RFFL: variants seen among roughly 807,000 people sequenced by gnomAD.
RFFL encodes the protein ring finger and FYVE like domain containing E3 ubiquitin protein ligase, also known as E3 ubiquitin-protein ligase rififylin.
RFFL carries 16 observed loss-of-function variants against 40.4 expected under a neutral mutation model. The ratio of observed to expected loss-of-function variants is 0.40; its 90% CI spans 0.27 to 0.60. RFFL has a LOEUF of 0.60. RFFL is among the 20% of genes least tolerant of loss of function. The pLI, the probability that RFFL is intolerant of heterozygous loss-of-function variation, is 0.47. For synonymous variants in RFFL, 154 were observed against 167.9 expected (o/e 0.92, Z 0.64); for missense variants, 367 against 451.7 (o/e 0.81, Z 1.70).
Position 35,031,529 on chromosome 17 carries a change from A to G in RFFL, c.-8-4968T>C, listed in dbSNP as rs1345876951. Among the ~76,000 whole-genome samples, 3 of 152,016 alleles carry G rather than the reference A, an allele frequency of 2.0e-5. No homozygotes were observed. In the East Asian group the frequency reaches 5.8e-4, roughly 29 times the overall value. The stretch of plus-strand genomic sequence containing the variant: ...TTAAGTACCTACCCTCAAGGAGCTC[A>G]TGGTCTAGTCAGGGTACTAGAAATG... On this transcript the variant is annotated intron_variant, in intron 1 of 6. Transcript: ENST00000394597.
chr17:35,082,747 C>A (rs1443392908), intron 1 of RFFL, among the ~76,000 whole-genome samples: 2 of 152,218 alleles, frequency 1.3e-5, no homozygotes, highest in African/African-American at 4.8e-5. Flanking sequence ...ATTTTTCTCT[C>A]TTTCAATCCT....
At chr17:35,072,627 A>C (rs550161802) in intron 1 of RFFL, among the ~76,000 whole-genome samples, 2 of 152,162 alleles carry the variant, frequency 1.3e-5, no homozygotes, top group South Asian at 4.1e-4. Flanking sequence ...CCTGGTGTTG[A>C]TATTGTACTA....
intron 1 of RFFL, among the ~76,000 whole-genome samples, chr17:35,045,786 G>A (rs1297917728): frequency 6.6e-6 from 1 of 152,094 alleles, no homozygotes; most frequent in Admixed American, 6.5e-5. Flanking sequence ...CACTTTGGGA[G>A]GCTGAAGCCG....
At chr17:35,046,013 A>G (rs764146720) in intron 1 of RFFL, among the ~76,000 whole-genome samples, 1 of 147,972 alleles carries the variant, frequency 6.8e-6, no homozygotes, top group African/African-American at 2.5e-5. Flanking sequence ...TGACAGAGTG[A>G]GACTCTGTCT....
chr17:35,036,191 T>C (rs776449971), intron 1 of RFFL: 8 of 152,192 alleles, frequency 5.3e-5, no homozygotes, highest in Non-Finnish European at 7.3e-5. Flanking sequence ...CTTGGGAATA[T>C]TTTTTTCATT....
chr17:35,080,504 G>A (rs2091398497), intron 1 of RFFL, among the ~76,000 whole-genome samples: 1 of 152,164 alleles, frequency 6.6e-6, no homozygotes, highest in Non-Finnish European at 1.5e-5. Context: ...CAAATGAAGA[G>A]TAAAACAAGA....
intron 1 of RFFL, among the ~76,000 whole-genome samples, chr17:35,029,340 G>GTT (rs751041700): frequency 3.9e-4 from 50 of 127,990 alleles, no homozygotes; most frequent in African/African-American, 7.0e-4. Context: ...ATATTTTGTA[G>GTT]TTTTTTTTTT....
chr17:35,089,210 G>A (rs1215476256), exon 1 of RFFL: 1 of 152,004 alleles, frequency 6.6e-6, no homozygotes, highest in Non-Finnish European at 1.5e-5. Flanking sequence ...CTCCGCCGCG[G>A]CGGCGTCTCT....
chr17:35,063,374 G>T (rs988123811), intron 1 of RFFL, among the ~76,000 whole-genome samples: 4 of 133,584 alleles, frequency 3.0e-5, no homozygotes, highest in African/African-American at 1.1e-4. Flanking sequence ...AGAATCACTT[G>T]AACCCGGGAG....
At chr17:35,088,803 C>T (rs1039873031) in intron 1 of RFFL, 4 of 152,324 alleles carry the variant, frequency 2.6e-5, no homozygotes, top group African/African-American at 9.6e-5. Context: ...CTAGACCTGC[C>T]GGTCTGCAGG....
At chr17:35,087,233 C>A (rs1161669645) in intron 1 of RFFL, among the ~76,000 whole-genome samples, 1 of 151,926 alleles carries the variant, frequency 6.6e-6, no homozygotes, top group Non-Finnish European at 1.5e-5. Flanking sequence ...TGCCTGAGGT[C>A]CCAGCTACTC....
At chr17:35,052,385 T>C (rs375183796) in intron 1 of RFFL, among the ~76,000 whole-genome samples, 7 of 152,316 alleles carry the variant, frequency 4.6e-5, no homozygotes, top group African/African-American at 1.4e-4. Flanking sequence ...ATGCTGCTCA[T>C]CTGATTCATG....
intron 2 of RFFL, chr17:35,025,080 A>G (rs1456440446): frequency 2.6e-5 from 4 of 152,230 alleles, no homozygotes; most frequent in Admixed American, 6.5e-5. Flanking sequence ...CTCCCCGTTA[A>G]GCAGCAATGG....
intron 1 of RFFL, among the ~76,000 whole-genome samples, chr17:35,054,363 G>A (rs1163955576): frequency 1.3e-5 from 2 of 152,040 alleles, no homozygotes; most frequent in Non-Finnish European, 2.9e-5. Context: ...ACAAGCTGAG[G>A]CCTCTTTCTG....
chr17:35,011,605 A>G lies in RFFL; in HGVS notation c.*363T>C. On this transcript the variant is annotated 3_prime_UTR_variant, in exon 7 of 7. Coordinates refer to ENST00000394597, the MANE Select transcript of RFFL (RefSeq NM_001017368.2). ...AAACACATGGGCAAGCATCTCCCAT[A>G]TGGGGTGGGGATGGGTTGGGTACAG... is the stretch of plus-strand genomic sequence containing the variant. 4.9e-6 allele frequency: 1 copy of G among 203,962 alleles called. No individual in the cohort carries two copies. The highest frequency in any genetic ancestry group is 9.9e-6 in the Non-Finnish European group (1 of 100,988). The allele number at this position is 203,962 out of a possible 1,614,324, so 12.6% of individuals were successfully genotyped here.
At chr17:35,078,302 T>A (rs1364439570) in intron 1 of RFFL, among the ~76,000 whole-genome samples, 2 of 152,148 alleles carry the variant, frequency 1.3e-5, no homozygotes, top group East Asian at 3.8e-4. Flanking sequence ...GTTATTTGAT[T>A]TTTATTATTT....
intron 1 of RFFL, chr17:35,089,032 A>ACCGT (rs2091445212): frequency 6.5e-6 from 1 of 152,770 alleles, no homozygotes; most frequent in Admixed American, 6.6e-5. Context: ...ACGGCACCCG[A>ACCGT]CCGTCCCCCT....
chr17:35,089,081 GCGC>G (rs879425293), intron 1 of RFFL: 13 of 153,466 alleles, frequency 8.5e-5, no homozygotes, highest in East Asian at 3.9e-4. Context: ...GCGGCCCCCA[GCGC>G]CGCCGCCGCC....
At chr17:35,060,075 T>A (rs928743598) in intron 1 of RFFL, among the ~76,000 whole-genome samples, 1 of 152,242 alleles carries the variant, frequency 6.6e-6, no homozygotes, top group Non-Finnish European at 1.5e-5. Context: ...AAAGGTTTTC[T>A]GCCCTTAACA....
Sources: allele counts gnomAD v4.1 joint callset (sites outside exome capture counted in the v4.1 genomes callset), GRCh38; gene constraint gnomAD v4.1.1; transcripts MANE v1.5; gene names NCBI Gene and HGNC (gene_info 2026-07-23, HGNC 2026-07-21).